Variants in PLXNA1 observed in about 807,000 individuals in gnomAD.
PLXNA1 encodes plexin-A1.
In PLXNA1, 77 loss-of-function variants were observed where a neutral mutation model predicts 191.7. The ratio of observed to expected loss-of-function variants is 0.40; its 90% CI spans 0.33 to 0.49. The LOEUF is 0.49. Among genes scored for constraint, PLXNA1 ranks in the 20% least tolerant of loss-of-function variants. The pLI is 0.63. For missense variants in PLXNA1, 2,110 were observed against 2,660.2 expected (o/e 0.79, Z 4.55); for synonymous variants, 1,137 against 1,156.4 (o/e 0.98, Z 0.34).
chr3:127,030,819 C>T (rs1422087487), intron 29 of PLXNA1, among the ~76,000 whole-genome samples: 4 of 152,152 alleles, frequency 2.6e-5, no homozygotes, highest in Non-Finnish European at 5.9e-5. Flanking sequence ...GAGGAATTTA[C>T]AGCCTCCCCA....
intron 23 of PLXNA1, among the ~76,000 whole-genome samples, chr3:127,025,710 G>A (rs576530013): frequency 1.2e-3 from 189 of 152,292 alleles, no homozygotes; most frequent in African/African-American, 4.0e-3. Context: ...TTGTCCTTTC[G>A]TGGCTGGCTT....
intron 9 of PLXNA1, among the ~76,000 whole-genome samples, chr3:127,008,366 C>T (rs571543366): frequency 1.3e-4 from 20 of 152,232 alleles, no homozygotes; most frequent in African/African-American, 4.1e-4. Flanking sequence ...GCCGGCCTAG[C>T]GTGCCTGAAG....
intron 31 of PLXNA1, 38 bp downstream of exon 31, chr3:127,032,874 G>T: frequency 6.3e-7 from 1 of 1,599,752 alleles, no homozygotes; most frequent in Non-Finnish European, 8.5e-7. Flanking sequence ...GGCTAGGAGG[G>T]CTTGCCGGCC....
At chr3:127,024,663 A>G (rs2107636265) in intron 23 of PLXNA1, among the ~76,000 whole-genome samples, 1 of 152,118 alleles carries the variant, frequency 6.6e-6, no homozygotes, top group South Asian at 2.1e-4. Flanking sequence ...GAGCTGTTAG[A>G]TCTCCTTAGG....
chr3:127,004,526 G>A, intron 4 of PLXNA1, 85 bp from the exon 5 acceptor site: 1 of 946,368 alleles, frequency 1.1e-6, no homozygotes, highest in Non-Finnish European at 1.7e-6. Context: ...CGGGCCTAAG[G>A]AGAGCAGAGT....
chr3:127,018,682 C>T (rs1409628327), intron 20 of PLXNA1, among the ~76,000 whole-genome samples, 154 bp downstream of exon 20: 2 of 152,224 alleles, frequency 1.3e-5, no homozygotes, highest in South Asian at 2.1e-4. Context: ...GGTCCCAGGG[C>T]AGTGGGCGGG....
Position 127,013,937 on chromosome 3 carries a change from G to A in PLXNA1, c.2314-83G>A, listed in dbSNP as rs371197077. On this transcript the variant is annotated intron_variant, in intron 10 of 31. Transcript: ENST00000393409. ...TGCAGAAACTTCCCCCTAAGCTGGC[G>A]CCCTGGTGGCTTTGTGGGCGTGAGG... is the stretch of plus-strand genomic sequence containing the variant. 1.5e-4 allele frequency: 189 copies of A among 1,244,404 alleles called. No individual in the cohort carries two copies. In the African/African-American group the frequency reaches 2.0e-3, roughly 13 times the overall value. The allele number at this position is 1,244,404 out of a possible 1,614,324, so 77.1% of individuals were successfully genotyped here.
intron 9 of PLXNA1, among the ~76,000 whole-genome samples, chr3:127,009,607 G>A (rs367785993): frequency 1.7e-4 from 23 of 135,234 alleles, no homozygotes; most frequent in African/African-American, 6.5e-4. Context: ...TGGGTTCCTC[G>A]GGCCACCCCC....
intron 15 of PLXNA1, among the ~76,000 whole-genome samples, chr3:127,016,115 G>A (rs2079122157): frequency 6.6e-6 from 1 of 152,078 alleles, no homozygotes; most frequent in African/African-American, 2.4e-5. Context: ...CAGAGGGAGG[G>A]CAGCATGAGC....
Position 127,014,529 on chromosome 3 carries a change from G to A in PLXNA1, c.2656G>A (p.Gly886Ser), listed in dbSNP as rs1309838696. ...RQGGTRLTIT[G>S]ENLGLRFEDV... is the part of the protein sequence containing the mutation. The stretch of plus-strand genomic sequence containing the variant: ...GGGCGGCACGCGGCTCACTATCACA[G>A]GCGAGAACCTGGGCCTGCGATTCGA... Residue 886 changes from glycine (G) to serine (S), a missense_variant, in exon 13 of 32, where the codon GGC (glycine) becomes AGC (serine). Gly to Ser is a moderately conservative substitution (Grantham distance 56). Around this residue, in one of 4 missense-constraint regions of PLXNA1, gnomAD observed 644 missense variants for 714.3 expected, o/e 0.90. Transcript: ENST00000393409. 2 of 1,610,192 alleles carry A rather than the reference G, an allele frequency of 1.2e-6. No individual in the cohort carries two copies. Among genetic ancestry groups the A allele is most frequent in the Non-Finnish European group, 8.5e-7 (1 of 1,179,836 alleles).
At chr3:127,018,669 G>A (rs2079138025) in intron 20 of PLXNA1, 141 bp downstream of exon 20, 2 of 721,368 alleles carry the variant, frequency 2.8e-6, no homozygotes, top group Admixed American at 2.6e-5. Context: ...CTGTGCCAGA[G>A]CTGGTCCCAG....
At position 126,990,281 on chromosome 3, in the gene PLXNA1, T is replaced by G. The variant is rs2078984034; in HGVS notation, c.1194+494T>G. 2.6e-5 allele frequency among the ~76,000 whole-genome samples: 4 copies of G among 152,362 alleles called. No individual in the cohort carries two copies. In the South Asian group the frequency reaches 8.3e-4, roughly 32 times the overall value. On this transcript the variant is annotated intron_variant, in intron 2 of 31. Coordinates refer to ENST00000393409, the MANE Select transcript of PLXNA1 (RefSeq NM_032242.4). ...AGCGCTTGTGTCCCCCACATGACCC[T>G]GGTGGCACCTGCCCGCTGGGCCTCT...
At chr3:127,023,849 G>T (rs529754347) in intron 23 of PLXNA1, among the ~76,000 whole-genome samples, 1 of 152,252 alleles carries the variant, frequency 6.6e-6, no homozygotes, top group Non-Finnish European at 1.5e-5. Context: ...GACCAGGCGG[G>T]GGGAGGGAAG....
At chr3:127,004,117 CT>C in intron 4 of PLXNA1, among the ~76,000 whole-genome samples, 1 of 152,376 alleles carries the variant, frequency 6.6e-6, no homozygotes, top group African/African-American at 2.4e-5. Context: ...TCCTCTGCCC[CT>C]CCTGGGCGCA....
chr3:127,034,093 C>A lies in PLXNA1; in HGVS notation c.*76C>A. The A allele has an allele frequency of 1.5e-6, 2 of 1,316,168 alleles. No homozygotes were observed. Among genetic ancestry groups the A allele is most frequent in the Non-Finnish European group, 1.1e-6 (1 of 949,074 alleles). 81.5% of individuals were successfully genotyped at this position (1,316,168 alleles called of 1,614,324 possible). On this transcript the variant is annotated 3_prime_UTR_variant, in exon 32 of 32. Coordinates refer to ENST00000393409, the MANE Select transcript of PLXNA1 (RefSeq NM_032242.4). ...GGACCGGGACAGCCCTCACCGCATGCGTGTGGAGTGTCCGGTGGTGCTCGG... is the reference window on the plus strand; with the variant it reads ...GGACCGGGACAGCCCTCACCGCATGAGTGTGGAGTGTCCGGTGGTGCTCGG...
chr3:127,007,383 C>T (rs563786882), intron 8 of PLXNA1, among the ~76,000 whole-genome samples: 64 of 152,314 alleles, frequency 4.2e-4, no homozygotes, highest in Admixed American at 1.2e-3. Flanking sequence ...TGTGGCAGCA[C>T]GTGCTGCTTC....
At chr3:127,019,830 C>T (rs2079143780) in intron 20 of PLXNA1, among the ~76,000 whole-genome samples, 1 of 152,162 alleles carries the variant, frequency 6.6e-6, no homozygotes, top group South Asian at 2.1e-4. Context: ...GGACAGCCTG[C>T]AGCCCTGGGA....
intron 23 of PLXNA1, 37 bp from the exon 24 acceptor site, chr3:127,027,903 G>T (rs1337563088): frequency 1.9e-6 from 3 of 1,611,360 alleles, no homozygotes; most frequent in Non-Finnish European, 8.5e-7. Flanking sequence ...GTAGGCCCGG[G>T]GGTCCTGGCT....
rs994383502 is a variant in PLXNA1, at chr3:126,986,189, C to A, written c.-73-2332C>A. On this transcript the variant is annotated intron_variant, in intron 1 of 31. Transcript: ENST00000393409. Reference sequence around the variant, plus strand: ...TTGAACTGATAAACGGTGAGTGATTCATGTTTTCTTTGGAGTTCACATGTG... The same window carrying A: ...TTGAACTGATAAACGGTGAGTGATTAATGTTTTCTTTGGAGTTCACATGTG... Among the ~76,000 whole-genome samples the A allele has an allele frequency of 2.0e-5, 3 of 152,210 alleles. No individual in the cohort carries two copies. The South Asian group carries it at 6.2e-4, about 32-fold the overall frequency.
Sources: gnomAD v4.1 joint callset for allele counts (sites outside exome capture counted in the v4.1 genomes callset) on GRCh38, gnomAD v4.1.1 for gene constraint, gnomAD v4.1.1 regional missense constraint, MANE v1.5 for transcripts, NCBI Gene and HGNC (gene_info 2026-07-23, HGNC 2026-07-21) for gene names.